The following SMAP2 variants were observed in gnomAD, a reference collection of about 807,000 sequenced individuals.
The protein encoded by SMAP2 is small ArfGAP2, also known as stromal membrane-associated protein 2.
SMAP2 carries 25 observed loss-of-function variants against 56.4 expected under a neutral mutation model. That is an observed-to-expected ratio of 0.44 (90% CI 0.32 to 0.62). The LOEUF is 0.62. Ranked by LOEUF, SMAP2 falls within the 20% of genes least tolerant of loss-of-function variation. The pLI is 0.04. For synonymous variants in SMAP2, 157 were observed against 181.7 expected (o/e 0.86, Z 1.09); for missense variants, 388 against 545.6 (o/e 0.71, Z 2.88).
At chr1:40,373,521 CCATT>C (rs1320414373), upstream of SMAP2, among the ~76,000 whole-genome samples, 1 of 152,236 alleles carries the variant, frequency 6.6e-6, no homozygotes. Context: ...CTACCAGGCT[CCATT>C]CATTCTCTTC....
chr1:40,352,783 C>T (rs1644414345), intron 1 of SMAP2, among the ~76,000 whole-genome samples: 1 of 152,148 alleles, frequency 6.6e-6, no homozygotes, highest in Non-Finnish European at 1.5e-5. Flanking sequence ...CCTCCTTGGC[C>T]TCCTAAAGCT....
chr1:40,361,300 G>A (rs544366698), intron 1 of SMAP2, among the ~76,000 whole-genome samples: 1 of 152,094 alleles, frequency 6.6e-6, no homozygotes, highest in African/African-American at 2.4e-5. Context: ...TTCTTCACTT[G>A]TTCACTCAAG....
At chr1:40,347,633 G>C (rs945543553) in intron 1 of SMAP2, among the ~76,000 whole-genome samples, 1 of 152,172 alleles carries the variant, frequency 6.6e-6, no homozygotes, top group Non-Finnish European at 1.5e-5. Context: ...CTCCTGAGTA[G>C]CTGGGATTAC....
At chr1:40,346,495 G>A (rs781121697) in intron 1 of SMAP2, among the ~76,000 whole-genome samples, 19 of 151,676 alleles carry the variant, frequency 1.3e-4, no homozygotes, top group Non-Finnish European at 1.5e-4. Flanking sequence ...TCAGTCTTCC[G>A]AGTACCTGGG....
At chr1:40,358,345 C>G (rs1644445850) in intron 1 of SMAP2, among the ~76,000 whole-genome samples, 1 of 151,918 alleles carries the variant, frequency 6.6e-6, no homozygotes, top group South Asian at 2.1e-4. Flanking sequence ...GAGATCGAGA[C>G]CAGCCTGGCC....
Position 40,406,812 on chromosome 1 carries a change from G to A in SMAP2, c.180G>A (p.Val60=), listed in dbSNP as rs149687192. ...RCAGIHRNLG[V]HISRVKSVNL... ...CTGGAATCCACAGGAATCTGGGGGT[G>A]CACATATCCAGGGTAAAGTCAGTTA... The change falls in exon 2 of 10, where the codon GTG becomes GTA. Residue 60 remains valine (V), a synonymous_variant. Transcript: ENST00000372718. 1.7e-5 allele frequency: 28 copies of A among 1,614,086 alleles called. No individual in the cohort carries two copies. Among genetic ancestry groups the A allele is most frequent in the Middle Eastern group, 1.6e-4 (1 of 6,062 alleles).
intron 1 of SMAP2, among the ~76,000 whole-genome samples, chr1:40,388,174 C>T (rs1407763443): frequency 2.6e-5 from 4 of 152,238 alleles, no homozygotes; most frequent in East Asian, 1.9e-4. Flanking sequence ...GCCTCCCCAA[C>T]GAGACCGCCC....
intron 1 of SMAP2, among the ~76,000 whole-genome samples, chr1:40,400,256 G>A (rs189386389): frequency 4.6e-5 from 7 of 152,324 alleles, no homozygotes; most frequent in East Asian, 3.8e-4. Flanking sequence ...GAGAGGCTGC[G>A]GAAGGAGGCA....
intron 1 of SMAP2, among the ~76,000 whole-genome samples, chr1:40,353,585 G>T (rs951865062): frequency 1.2e-4 from 19 of 152,032 alleles, no homozygotes; most frequent in Non-Finnish European, 2.1e-4. Flanking sequence ...GGCCAGGCTG[G>T]TCTCGAGTCC....
chr1:40,413,232 G>A, intron 5 of SMAP2, 130 bp downstream of exon 5: 1 of 713,862 alleles, frequency 1.4e-6, no homozygotes, highest in East Asian at 2.7e-5. Context: ...TCTGCATCTG[G>A]ATTGGACTGC....
chr1:40,358,896 G>T (rs1644448225), intron 1 of SMAP2, among the ~76,000 whole-genome samples: 2 of 151,936 alleles, frequency 1.3e-5, no homozygotes, highest in African/African-American at 4.8e-5. Context: ...TATATATTTG[G>T]GTGCTCCAGT....
chr1:40,355,836 C>T (rs1319134580), intron 1 of SMAP2, among the ~76,000 whole-genome samples: 1 of 150,350 alleles, frequency 6.7e-6, no homozygotes, highest in Non-Finnish European at 1.5e-5. Context: ...TGTGGAACTC[C>T]TGGGCTCAAA....
chr1:40,398,849 T>C (rs1644799724), intron 1 of SMAP2, among the ~76,000 whole-genome samples: 1 of 152,224 alleles, frequency 6.6e-6, no homozygotes, highest in South Asian at 2.1e-4. Context: ...TTCCCTGCTA[T>C]GTTCAAGGAA....
chr1:40,373,097 C>T (rs1053896775), upstream of SMAP2, among the ~76,000 whole-genome samples: 3 of 152,146 alleles, frequency 2.0e-5, no homozygotes, highest in African/African-American at 4.8e-5. Context: ...ACAAAAAACT[C>T]GCTGTTTTGT....
chr1:40,355,784 A>T (rs1464370748), intron 1 of SMAP2, among the ~76,000 whole-genome samples: 1 of 151,928 alleles, frequency 6.6e-6, no homozygotes, highest in Non-Finnish European at 1.5e-5. Flanking sequence ...TAATTTTTAA[A>T]TTTTTTGTAG....
At chr1:40,388,555 G>C (rs1644684858) in intron 1 of SMAP2, among the ~76,000 whole-genome samples, 1 of 152,034 alleles carries the variant, frequency 6.6e-6, no homozygotes, top group Non-Finnish European at 1.5e-5. Flanking sequence ...GAGAACCTTT[G>C]TGTCCACACT....
At chr1:40,412,994 T>C in intron 4 of SMAP2, 22 bp from the exon 5 acceptor site, 1 of 1,577,124 alleles carries the variant, frequency 6.3e-7, no homozygotes, top group African/African-American at 1.4e-5. Flanking sequence ...CCTGTGTTCT[T>C]TGTCTTGTTA....
chr1:40,355,553 A>G (rs1644431752), intron 1 of SMAP2, among the ~76,000 whole-genome samples: 1 of 152,188 alleles, frequency 6.6e-6, no homozygotes, highest in Admixed American at 6.5e-5. Context: ...CAATTCAATT[A>G]TACTCTTTAA....
At chr1:40,347,527 G>T (rs1363084150) in intron 1 of SMAP2, among the ~76,000 whole-genome samples, 1 of 151,926 alleles carries the variant, frequency 6.6e-6, no homozygotes, top group East Asian at 1.9e-4. Context: ...TTTTGAGACA[G>T]AGTCTTGCTC....
Sources: allele counts gnomAD v4.1 joint callset (sites outside exome capture counted in the v4.1 genomes callset), GRCh38; gene constraint gnomAD v4.1.1; transcripts MANE v1.5; gene names NCBI Gene and HGNC (gene_info 2026-07-23, HGNC 2026-07-21).